CLNK: variants seen among roughly 807,000 people sequenced by gnomAD.
CLNK encodes cytokine dependent hematopoietic cell linker.
In CLNK, 74 loss-of-function variants were observed where a neutral mutation model predicts 68.6. The ratio of observed to expected loss-of-function variants is 1.08; its 90% CI spans 0.89 to 1.31. CLNK has a LOEUF of 1.31. Among genes scored for constraint, CLNK ranks in the 50% most tolerant of loss-of-function variants. The pLI is 0.00. For missense variants in CLNK, 553 were observed against 515.3 expected (o/e 1.07, Z -0.71); for synonymous variants, 198 against 172.2 (o/e 1.15, Z -1.17).
chr4:10,663,383 C>T (rs1041627110), intron 2 of CLNK, among the ~76,000 whole-genome samples: 1 of 152,202 alleles, frequency 6.6e-6, no homozygotes, highest in Admixed American at 6.5e-5. Context: ...TCTCATCACT[C>T]TCTATGTAAT....
At chr4:10,688,821 T>C (rs371090052), upstream of CLNK, among the ~76,000 whole-genome samples, 8 of 152,284 alleles carry the variant, frequency 5.3e-5, 1 homozygote, top group African/African-American at 1.9e-4. Flanking sequence ...GAAAAGAAAC[T>C]GACATTTTTA....
chr4:10,627,574 C>T (rs1200823113), intron 2 of CLNK, among the ~76,000 whole-genome samples: 1 of 151,998 alleles, frequency 6.6e-6, no homozygotes, highest in Non-Finnish European at 1.5e-5. Context: ...CTGTCAAGGC[C>T]AGGGAGAGAG....
At chr4:10,632,340 C>A (rs1006106124) in intron 2 of CLNK, among the ~76,000 whole-genome samples, 5 of 152,220 alleles carry the variant, frequency 3.3e-5, no homozygotes, top group African/African-American at 1.2e-4. Flanking sequence ...TATCTCCAAG[C>A]CCACAAAATG....
At chr4:10,677,228 A>C (rs2108900580) in intron 1 of CLNK, among the ~76,000 whole-genome samples, 1 of 152,260 alleles carries the variant, frequency 6.6e-6, no homozygotes, top group East Asian at 1.9e-4. Context: ...GATAAGGGTG[A>C]AGATAGATCC....
chr4:10,633,563 A>G (rs1462631381), intron 2 of CLNK, among the ~76,000 whole-genome samples: 2 of 152,150 alleles, frequency 1.3e-5, no homozygotes, highest in African/African-American at 4.8e-5. Flanking sequence ...TTTGACAGAG[A>G]CCCATGCCTA....
intron 5 of CLNK, among the ~76,000 whole-genome samples, chr4:10,570,094 C>T (rs1577136491): frequency 1.3e-5 from 2 of 152,158 alleles, no homozygotes; most frequent in East Asian, 1.9e-4. Context: ...AGCTGGAGCT[C>T]GGGCAGGAGA....
At chr4:10,598,119 T>C in intron 2 of CLNK, 70 bp from the exon 3 acceptor site, 2 of 1,043,744 alleles carry the variant, frequency 1.9e-6, no homozygotes, top group Admixed American at 4.4e-5. Context: ...ATTAAGTGCA[T>C]TCATTCATAG....
At chr4:10,696,892 G>A in the CLNK span, among the ~76,000 whole-genome samples, 1 of 152,210 alleles carries the variant, frequency 6.6e-6, no homozygotes, top group Admixed American at 6.5e-5. Context: ...TAAAAATGCA[G>A]ATTCCAGGGC....
the CLNK span, among the ~76,000 whole-genome samples, chr4:10,695,777 A>C: frequency 6.6e-6 from 1 of 152,032 alleles, no homozygotes; most frequent in Non-Finnish European, 1.5e-5. Flanking sequence ...TCCAGCTCAG[A>C]GTTTCATTTA....
chr4:10,507,174 C>T (rs1031022020), intron 17 of CLNK, among the ~76,000 whole-genome samples: 10 of 151,926 alleles, frequency 6.6e-5, no homozygotes, highest in Non-Finnish European at 1.3e-4. Flanking sequence ...TGCAGTGGCA[C>T]AATCTCGGCT....
chr4:10,600,570 C>G (rs899045107), intron 2 of CLNK, among the ~76,000 whole-genome samples: 6 of 152,066 alleles, frequency 3.9e-5, no homozygotes, highest in Non-Finnish European at 7.4e-5. Context: ...TGCATTGGAG[C>G]CTTGCAAGGG....
At chr4:10,722,771 A>T in the CLNK span, among the ~76,000 whole-genome samples, 3 of 152,006 alleles carry the variant, frequency 2.0e-5, no homozygotes, top group Non-Finnish European at 2.9e-5. Flanking sequence ...TCTAGACGGC[A>T]GGGCGTGGTG....
chr4:10,676,357 G>C (rs1045454292), intron 1 of CLNK, among the ~76,000 whole-genome samples: 5 of 149,884 alleles, frequency 3.3e-5, no homozygotes, highest in African/African-American at 1.2e-4. Flanking sequence ...ATTGAGTGGA[G>C]GCCTTTGAAG....
intron 2 of CLNK, among the ~76,000 whole-genome samples, chr4:10,612,387 A>C (rs926047069): frequency 6.6e-6 from 1 of 152,258 alleles, no homozygotes; most frequent in African/African-American, 2.4e-5. Context: ...TCCCACGTCC[A>C]AAGTGTCTTG....
intron 2 of CLNK, among the ~76,000 whole-genome samples, chr4:10,601,773 C>G (rs957544813): frequency 1.3e-5 from 2 of 152,214 alleles, no homozygotes; most frequent in Non-Finnish European, 2.9e-5. Flanking sequence ...TTCCTGTCCA[C>G]TCAGCCCATC....
At chr4:10,670,885 G>A (rs1231833775) in intron 1 of CLNK, among the ~76,000 whole-genome samples, 2 of 152,134 alleles carry the variant, frequency 1.3e-5, no homozygotes, top group African/African-American at 4.8e-5. Context: ...GGAAACGCAA[G>A]GGATCAGGGA....
chr4:10,685,588 G>C (rs1725241509), upstream of CLNK, among the ~76,000 whole-genome samples: 1 of 152,048 alleles, frequency 6.6e-6, no homozygotes. Flanking sequence ...AATTGATGTT[G>C]AATTCCATAA....
chr4:10,626,704 C>G (rs1006777956), intron 2 of CLNK, among the ~76,000 whole-genome samples: 3 of 152,086 alleles, frequency 2.0e-5, no homozygotes, highest in Non-Finnish European at 4.4e-5. Context: ...TGAGATGTAC[C>G]TCCATGAAAT....
At chr4:10,611,662 A>AGAAGGG (rs1368934384) in intron 2 of CLNK, among the ~76,000 whole-genome samples, 1 of 152,050 alleles carries the variant, frequency 6.6e-6, no homozygotes, top group Non-Finnish European at 1.5e-5. Flanking sequence ...GTCCACAAAA[A>AGAAGGG]AGAAGGGAAA....
Sources: gnomAD v4.1 joint callset for allele counts (sites outside exome capture counted in the v4.1 genomes callset) on GRCh38, gnomAD v4.1.1 for gene constraint, MANE v1.5 for transcripts, NCBI Gene and HGNC (gene_info 2026-07-23, HGNC 2026-07-21) for gene names.